The following NAALADL2 variants were observed in gnomAD, a reference collection of about 807,000 sequenced individuals.
NAALADL2 encodes the protein N-acetylated alpha-linked acidic dipeptidase like 2.
Under a neutral mutation model 87.2 loss-of-function variants are expected in NAALADL2, and 76 were observed. The ratio of observed to expected loss-of-function variants is 0.87; its 90% CI spans 0.72 to 1.05. NAALADL2 has a LOEUF of 1.05. Among genes scored for constraint, NAALADL2 ranks in the 50% least tolerant of loss-of-function variants. The pLI is 0.00. For missense variants in NAALADL2, 1,089 were observed against 945.8 expected (o/e 1.15, Z -1.99); for synonymous variants, 354 against 331.0 (o/e 1.07, Z -0.75).
chr3:174,925,909 G>A (rs530384551), intron 1 of NAALADL2, among the ~76,000 whole-genome samples: 1 of 152,202 alleles, frequency 6.6e-6, no homozygotes, highest in East Asian at 1.9e-4. Context: ...AAACTACTCT[G>A]AGCTAAAGAA....
intron 1 of NAALADL2, among the ~76,000 whole-genome samples, chr3:174,926,571 A>C (rs1212017321): frequency 3.9e-5 from 6 of 152,286 alleles, no homozygotes; most frequent in East Asian, 3.9e-4. Context: ...AAAGAAAAGA[A>C]TTTTCAACCC....
rs370875955 is a variant in NAALADL2 at position 175,629,732 on chromosome 3, C to A, written c.1896+2346C>A. On this transcript the variant is annotated intron_variant, in intron 11 of 13. Coordinates refer to ENST00000454872, the MANE Select transcript of NAALADL2 (RefSeq NM_207015.3). ...TTGGCCACACTTAAGAATTTCAACT[C>A]CTGAGAACATGTCGGGAAGCAAGAA... Among the ~76,000 whole-genome samples the A allele has an allele frequency of 1.1e-4, 17 of 151,810 alleles. No individual in the cohort carries two copies. In the South Asian group the frequency reaches 2.5e-3, roughly 22 times the overall value.
At chr3:175,794,115 T>C (rs1430268719) in intron 13 of NAALADL2, among the ~76,000 whole-genome samples, 1 of 152,192 alleles carries the variant, frequency 6.6e-6, no homozygotes, top group Non-Finnish European at 1.5e-5. Flanking sequence ...AAAAGGACAA[T>C]GCAAATATCT....
chr3:175,216,524 A>G lies in NAALADL2; in HGVS notation c.546-17407A>G, dbSNP rs1742541188. Reference sequence around the variant, plus strand: ...TACTCAGGCAGGACAAGGAGATAATATAAATAAGTGAATGGTAAGTGTTAG... The same window carrying G: ...TACTCAGGCAGGACAAGGAGATAATGTAAATAAGTGAATGGTAAGTGTTAG... On this transcript the variant is annotated intron_variant, in intron 2 of 13. Transcript: ENST00000454872. 2.0e-5 allele frequency among the ~76,000 whole-genome samples: 3 copies of G among 152,292 alleles called. No homozygotes were observed. In the South Asian group the frequency reaches 6.2e-4, roughly 32 times the overall value.
At chr3:175,577,444 A>T (rs1333125291) in intron 10 of NAALADL2, among the ~76,000 whole-genome samples, 1 of 152,190 alleles carries the variant, frequency 6.6e-6, no homozygotes, top group Admixed American at 6.5e-5. Flanking sequence ...TTGTTGAGGA[A>T]AACACATTTA....
At chr3:175,773,247 G>A (rs551952664) in intron 13 of NAALADL2, 19 of 152,202 alleles carry the variant, frequency 1.2e-4, no homozygotes, top group African/African-American at 4.3e-4. Context: ...ATACAATTGA[G>A]TCCTCAAAGA....
At chr3:174,477,125 A>C (rs912932067) in intron 1 of NAALADL2, among the ~76,000 whole-genome samples, 2 of 152,068 alleles carry the variant, frequency 1.3e-5, no homozygotes, top group Non-Finnish European at 2.9e-5. Flanking sequence ...AAGGAAAAAA[A>C]TAAACAGAAA....
intron 10 of NAALADL2, among the ~76,000 whole-genome samples, chr3:175,605,639 T>A (rs1234259870): frequency 9.5e-6 from 1 of 104,736 alleles, no homozygotes; most frequent in Non-Finnish European, 2.0e-5. Flanking sequence ...GTATATTGCT[T>A]GTTTTTTTTT....
At chr3:174,804,146 G>A (rs1267654893) in intron 3 of NAALADL2, among the ~76,000 whole-genome samples, 1 of 151,934 alleles carries the variant, frequency 6.6e-6, no homozygotes, top group Non-Finnish European at 1.5e-5. Flanking sequence ...TTATTTTGTT[G>A]AGCAGTGGTT....
chr3:174,613,370 G>A (rs1720126800), intron 2 of NAALADL2, among the ~76,000 whole-genome samples: 1 of 152,198 alleles, frequency 6.6e-6, no homozygotes, highest in Non-Finnish European at 1.5e-5. Flanking sequence ...AGCACAGTGA[G>A]TTCCTGCAGG....
intron 3 of NAALADL2, among the ~76,000 whole-genome samples, chr3:174,839,705 C>G (rs1723787106): frequency 6.6e-6 from 1 of 151,668 alleles, no homozygotes; most frequent in South Asian, 2.1e-4. Context: ...AGACAATTCT[C>G]AAAAGAAGAT....
At chr3:174,784,267 A>G (rs1190772736) in intron 3 of NAALADL2, among the ~76,000 whole-genome samples, 1 of 152,170 alleles carries the variant, frequency 6.6e-6, no homozygotes, top group Non-Finnish European at 1.5e-5. Flanking sequence ...AAGTTAGGAT[A>G]GGGAAAATTA....
At chr3:175,179,331 A>G (rs1460856149) in intron 2 of NAALADL2, among the ~76,000 whole-genome samples, 3 of 152,012 alleles carry the variant, frequency 2.0e-5, no homozygotes, top group Non-Finnish European at 4.4e-5. Flanking sequence ...AAGTAAATAA[A>G]TGATTCCTAG....
intron 13 of NAALADL2, among the ~76,000 whole-genome samples, chr3:175,770,082 T>C (rs1749280622): frequency 6.6e-6 from 1 of 152,158 alleles, no homozygotes; most frequent in Non-Finnish European, 1.5e-5. Flanking sequence ...AATTAACATC[T>C]GTAAGACACC....
At chr3:175,449,928 A>G (rs1207682910) in intron 6 of NAALADL2, among the ~76,000 whole-genome samples, 1 of 152,208 alleles carries the variant, frequency 6.6e-6, no homozygotes, top group East Asian at 1.9e-4. Context: ...AAAATTCAAA[A>G]AGATATATTT....
At chr3:175,370,087 T>C (rs1422695547) in intron 5 of NAALADL2, among the ~76,000 whole-genome samples, 2 of 152,120 alleles carry the variant, frequency 1.3e-5, no homozygotes, top group South Asian at 2.1e-4. Context: ...AAAGTAAGCC[T>C]TACTACAAAG....
chr3:175,468,849 C>T (rs1015570494), intron 8 of NAALADL2, among the ~76,000 whole-genome samples: 5 of 152,032 alleles, frequency 3.3e-5, no homozygotes, highest in East Asian at 1.9e-4. Flanking sequence ...TGTGTGTGAG[C>T]GATAGTTTTT....
At chr3:175,645,116 A>T (rs1729818930) in intron 11 of NAALADL2, among the ~76,000 whole-genome samples, 2 of 146,436 alleles carry the variant, frequency 1.4e-5, no homozygotes, top group Non-Finnish European at 3.0e-5. Flanking sequence ...GCGAAGCTGT[A>T]TTTTTTTTTT....
chr3:175,562,467 A>G (rs1314885114), intron 9 of NAALADL2, among the ~76,000 whole-genome samples: 2 of 151,672 alleles, frequency 1.3e-5, no homozygotes, highest in Admixed American at 6.6e-5. Context: ...ATATATTTTT[A>G]CCTCTTTTGT....
Sources: allele counts gnomAD v4.1 joint callset (sites outside exome capture counted in the v4.1 genomes callset), GRCh38; gene constraint gnomAD v4.1.1; transcripts MANE v1.5; gene names NCBI Gene and HGNC (gene_info 2026-07-23, HGNC 2026-07-21).